NRG1: variants seen among roughly 807,000 people sequenced by gnomAD.
NRG1 encodes the protein neuregulin 1.
NRG1 carries 18 observed loss-of-function variants against 63.8 expected under a neutral mutation model. That is an observed-to-expected ratio of 0.28 (90% CI 0.19 to 0.42). NRG1 has a LOEUF of 0.42. NRG1 is among the 10% of genes least tolerant of loss of function. The probability of loss-of-function intolerance (pLI) is 1.00; values close to 1 mark genes in which losing one functional copy is unlikely to be tolerated. For missense variants in NRG1, 762 were observed against 814.7 expected, an observed-to-expected ratio of 0.94 and a Z score of 0.79; for synonymous variants, 302 against 301.3, an observed-to-expected ratio of 1.00 and a Z score of -0.02.
In NRG1 at chr8:32,048,442, C is replaced by CAT. The variant is rs746098368; in HGVS notation, c.37+409013_37+409014dup. On this transcript the variant is annotated intron_variant, in intron 1 of 10. Transcript: ENST00000519301. ...GTACATGCATATGTACACATATATA[C>CAT]ATACATATATATATATATATATATA... 9.8e-3 allele frequency among the ~76,000 whole-genome samples: 1,322 copies of CAT among 134,494 alleles called. 43 individuals carry two copies. Among genetic ancestry groups the CAT allele is most frequent in the African/African-American group, 0.036 (1,245 of 34,294 alleles). 88.2% of individuals were successfully genotyped at this position (134,494 alleles called of 152,430 possible). A position where few individuals can be genotyped will look rare whatever the true frequency, so the allele number is the denominator to read the frequency against.
At chr8:32,261,006 A>C (rs1850304860) in intron 1 of NRG1, among the ~76,000 whole-genome samples, 1 of 152,210 alleles carries the variant, frequency 6.6e-6, no homozygotes, top group Non-Finnish European at 1.5e-5. Flanking sequence ...TAAACACTTT[A>C]ATAGTTTTGT....
chr8:31,918,825 C>A (rs1482775276), intron 1 of NRG1, among the ~76,000 whole-genome samples: 1 of 102,250 alleles, frequency 9.8e-6, no homozygotes. Context: ...GTGAATCCAT[C>A]TGGTCCTGGA....
Position 32,437,359 on chromosome 8 carries a change from C to G in NRG1, c.38-158469C>G, listed in dbSNP as rs551031710. Among the ~76,000 whole-genome samples the G allele has an allele frequency of 1.2e-4, 18 of 152,148 alleles. 1 individual carries two copies. The South Asian group carries it at 3.7e-3, about 32-fold the overall frequency. On this transcript the variant is annotated intron_variant, in intron 1 of 10. Transcript: ENST00000519301. The stretch of plus-strand genomic sequence containing the variant: ...TTGTTTTTGTCATTGCACTCACCAC[C>G]TTATATTGTAAAAGTCTATTACTAA...
intron 1 of NRG1, among the ~76,000 whole-genome samples, chr8:32,046,134 GTC>G (rs1300811029): frequency 3.0e-5 from 3 of 98,876 alleles, no homozygotes; most frequent in Admixed American, 1.0e-4. Context: ...GTGGGCAAAA[GTC>G]TTGAACAGAT....
At chr8:31,642,348 A>G (rs925619938) in intron 1 of NRG1, among the ~76,000 whole-genome samples, 1 of 152,226 alleles carries the variant, frequency 6.6e-6, no homozygotes, top group African/African-American at 2.4e-5. Flanking sequence ...TGAATCATTC[A>G]CACCACATGG....
At chr8:31,947,124 C>T (rs1381428787) in intron 1 of NRG1, among the ~76,000 whole-genome samples, 2 of 151,526 alleles carry the variant, frequency 1.3e-5, no homozygotes, top group East Asian at 3.9e-4. Context: ...CAAGGTGAAA[C>T]CCCGTCTCTA....
intron 1 of NRG1, among the ~76,000 whole-genome samples, chr8:31,991,222 C>T (rs1356146135): frequency 3.3e-5 from 5 of 152,020 alleles, no homozygotes; most frequent in African/African-American, 1.2e-4. Flanking sequence ...AAGTCCCCCT[C>T]CTACCTCCAC....
At chr8:32,541,668 AG>A (rs1161864053) in intron 1 of NRG1, among the ~76,000 whole-genome samples, 1 of 152,208 alleles carries the variant, frequency 6.6e-6, no homozygotes, top group Non-Finnish European at 1.5e-5. Flanking sequence ...TTGAAAGGAA[AG>A]AAGATAGGAA....
chr8:32,068,667 A>G (rs1586869702), intron 1 of NRG1, among the ~76,000 whole-genome samples: 1 of 152,064 alleles, frequency 6.6e-6, no homozygotes, highest in Admixed American at 6.6e-5. Context: ...CTCTACAAAA[A>G]CCTGACAGTA....
rs183548977 is a variant in NRG1 at position 32,360,563 on chromosome 8, A to C, written c.38-235265A>C. ...GCTTGTGGCTTTGACAACTTTAAAC[A>C]TTTTATAATTGTGGAATTTCTTTTG... On this transcript the variant is annotated intron_variant, in intron 1 of 10. Transcript: ENST00000519301. 7.8e-3 allele frequency among the ~76,000 whole-genome samples: 1,195 copies of C among 152,282 alleles called. 8 individuals carry two copies. The highest frequency in any genetic ancestry group is 0.013 in the Non-Finnish European group (898 of 68,012).
At chr8:32,605,710 C>T in intron 3 of NRG1, 27 bp downstream of exon 3, 1 of 1,609,616 alleles carries the variant, frequency 6.2e-7, no homozygotes, top group Non-Finnish European at 8.5e-7. Flanking sequence ...GTATTCTGTT[C>T]CTCAATCTGT....
intron 1 of NRG1, among the ~76,000 whole-genome samples, chr8:32,023,013 A>C (rs1816698195): frequency 6.6e-6 from 1 of 152,166 alleles, no homozygotes. Flanking sequence ...CTGATTTTTT[A>C]CTCTACTGAG....
intron 1 of NRG1, among the ~76,000 whole-genome samples, chr8:31,975,499 G>T (rs537859596): frequency 6.6e-6 from 1 of 152,136 alleles, no homozygotes; most frequent in Non-Finnish European, 1.5e-5. Flanking sequence ...CCTAGAGTTG[G>T]GGTTTATTGT....
At chr8:31,965,400 T>G (rs1340208916) in intron 1 of NRG1, among the ~76,000 whole-genome samples, 3 of 152,106 alleles carry the variant, frequency 2.0e-5, no homozygotes, top group Non-Finnish European at 4.4e-5. Context: ...TTTTTGTATT[T>G]TCAGTAGAGA....
chr8:32,056,752 CA>C (rs767415085), intron 1 of NRG1, among the ~76,000 whole-genome samples: 1 of 152,102 alleles, frequency 6.6e-6, no homozygotes, highest in South Asian at 2.1e-4. Context: ...ATATGAGACC[CA>C]GGGGGAAATA....
At chr8:32,021,839 C>G (rs994351716) in intron 1 of NRG1, among the ~76,000 whole-genome samples, 2 of 152,110 alleles carry the variant, frequency 1.3e-5, no homozygotes, top group Non-Finnish European at 2.9e-5. Flanking sequence ...ATTAATTGCA[C>G]AACATAGTGA....
At chr8:32,482,398 T>TTGTGTGTGTG (rs10689849) in intron 1 of NRG1, among the ~76,000 whole-genome samples, 26,409 of 148,076 alleles carry the variant, frequency 0.18, 2,358 homozygotes, top group South Asian at 0.19. Context: ...CTTTCTACTT[T>TTGTGTGTGTG]TGTGTGTGTG....
intron 1 of NRG1, among the ~76,000 whole-genome samples, chr8:32,173,636 A>C (rs1234292139): frequency 6.6e-6 from 1 of 152,204 alleles, no homozygotes; most frequent in Admixed American, 6.5e-5. Context: ...AAATAAAGGG[A>C]TGGAGGAAGA....
intron 5 of NRG1, among the ~76,000 whole-genome samples, chr8:32,622,015 A>T (rs1306348655): frequency 1.3e-5 from 2 of 152,196 alleles, no homozygotes; most frequent in Non-Finnish European, 2.9e-5. Flanking sequence ...GGCCAGTTGT[A>T]CCCAAGTGAT....
Sources: allele counts gnomAD v4.1 joint callset (sites outside exome capture counted in the v4.1 genomes callset), GRCh38; gene constraint gnomAD v4.1.1; transcripts MANE v1.5; gene names NCBI Gene and HGNC (gene_info 2026-07-23, HGNC 2026-07-21).